Variants in VWDE observed in about 807,000 individuals in gnomAD.
VWDE encodes von Willebrand factor D and EGF domains.
VWDE carries 207 observed loss-of-function variants against 178.4 expected under a neutral mutation model. The observed-to-expected ratio is 1.16, with a 90% CI of 1.04 to 1.30. VWDE has a LOEUF of 1.30. Among genes scored for constraint, VWDE ranks in the 50% most tolerant of loss-of-function variants. VWDE has a pLI of 0.00. For synonymous variants in VWDE, 738 were observed against 651.4 expected (o/e 1.13, Z -2.02); for missense variants, 2,287 against 1,901.3 (o/e 1.20, Z -3.77).
At chr7:12,335,063 T>C (rs903213733) in intron 27 of VWDE, among the ~76,000 whole-genome samples, 3 of 152,176 alleles carry the variant, frequency 2.0e-5, no homozygotes, top group Admixed American at 6.5e-5. Flanking sequence ...AAATTTCTGA[T>C]GCATGGAAAC....
In VWDE at chr7:12,393,727, C is replaced by A. The variant is rs949626458; in HGVS notation, c.110G>T (p.Ser37Ile). The change falls in exon 2 of 29, where the codon AGT (serine) becomes ATT (isoleucine). Residue 37 changes from serine (S) to isoleucine (I), a missense_variant. Ser to Ile is a moderately radical substitution (Grantham distance 142). Transcript: ENST00000275358. ...GHQFLRSPYR[S>I]VRFDSWHLQQ... is the part of the protein sequence containing the mutation. ...GAGGTGCCATGAGTCAAAACGGACA[C>A]TTCTATAAGGACTCCGAAGAAACTG... 21 of 1,551,018 alleles carry A rather than the reference C, an allele frequency of 1.4e-5. No individual in the cohort carries two copies. The highest frequency in any genetic ancestry group is 1.7e-5 in the Non-Finnish European group (19 of 1,146,656).
chr7:12,365,815 A>G (rs1356497010), intron 13 of VWDE, among the ~76,000 whole-genome samples: 1 of 152,152 alleles, frequency 6.6e-6, no homozygotes, highest in Non-Finnish European at 1.5e-5. Context: ...AATGTAAAAT[A>G]AAGACGGATA....
At chr7:12,389,015 G>C in intron 3 of VWDE, 112 bp downstream of exon 3, 1 of 835,112 alleles carries the variant, frequency 1.2e-6, no homozygotes, top group Non-Finnish European at 2.0e-6. Flanking sequence ...AATAATGGTA[G>C]ACTGAGTATC....
intron 1 of VWDE, among the ~76,000 whole-genome samples, chr7:12,395,270 TC>T (rs1784570095): frequency 6.6e-6 from 1 of 152,172 alleles, no homozygotes; most frequent in South Asian, 2.1e-4. Context: ...ATCTCTAATA[TC>T]CTTCAAAACA....
chr7:12,393,670 T>A lies in VWDE; in HGVS notation c.167A>T (p.Asp56Val). The A allele has an allele frequency of 6.4e-7, 1 of 1,551,208 alleles. No homozygotes were observed. Among genetic ancestry groups the A allele is most frequent in the Non-Finnish European group, 8.7e-7 (1 of 1,146,680 alleles). ...ATACCATCCAGGGGAGAGGGAATGGTCACATATTAGGTCTTGAACAGCTGA... is the reference window on the plus strand; with the variant it reads ...ATACCATCCAGGGGAGAGGGAATGGACACATATTAGGTCTTGAACAGCTGA... ...QQSAVQDLIC[D>V]HSLSPGWYRF... is the part of the protein sequence containing the mutation. Residue 56 changes from aspartate (D) to valine (V), a missense_variant, in exon 2 of 29, where the codon GAC becomes GTC. By Grantham distance (152) the Asp-to-Val change is radical. Transcript: ENST00000275358.
chr7:12,379,691 A>C, intron 5 of VWDE, 125 bp from the exon 6 acceptor site: 2 of 587,130 alleles, frequency 3.4e-6, no homozygotes, highest in South Asian at 6.9e-5. Flanking sequence ...AAAAGAATTA[A>C]ATAATTTAAA....
intron 18 of VWDE, 109 bp from the exon 19 acceptor site, chr7:12,351,822 T>C: frequency 2.2e-6 from 2 of 916,226 alleles, no homozygotes; most frequent in Non-Finnish European, 3.1e-6. Flanking sequence ...CTCTGCAAAT[T>C]AGACTGAATA....
intron 1 of VWDE, among the ~76,000 whole-genome samples, chr7:12,395,462 T>C (rs1263574689): frequency 6.6e-6 from 1 of 152,154 alleles, no homozygotes. Context: ...ACTCAGCACC[T>C]TTGTAGTTCT....
intron 1 of VWDE, among the ~76,000 whole-genome samples, chr7:12,401,228 C>G (rs965042049): frequency 4.0e-5 from 6 of 151,892 alleles, no homozygotes; most frequent in Non-Finnish European, 8.8e-5. Context: ...GGGGATTAAC[C>G]AAAATAAATA....
At chr7:12,354,347 T>C in intron 18 of VWDE, 2 of 415,420 alleles carry the variant, frequency 4.8e-6, no homozygotes, top group Non-Finnish European at 9.4e-6. Context: ...TAGAAACTTT[T>C]ACCATGGCAT....
At chr7:12,336,048 C>A in intron 27 of VWDE, 93 bp downstream of exon 27, 2 of 991,310 alleles carry the variant, frequency 2.0e-6, no homozygotes, top group Non-Finnish European at 2.9e-6. Flanking sequence ...GGAGTTTTTT[C>A]CCCCTTATGG....
chr7:12,336,011 T>C (rs1438016311), intron 27 of VWDE, 130 bp downstream of exon 27: 1 of 756,002 alleles, frequency 1.3e-6, no homozygotes, highest in Non-Finnish European at 2.1e-6. Context: ...ATATCTAAAA[T>C]CATTTTTTAA....
chr7:12,345,520 G>A (rs1781556747), intron 19 of VWDE, among the ~76,000 whole-genome samples: 1 of 152,096 alleles, frequency 6.6e-6, no homozygotes, highest in Admixed American at 6.6e-5. Flanking sequence ...TATTTTGGTT[G>A]ATCCAAACTT....
At chr7:12,367,317 T>G in intron 13 of VWDE, 40 bp downstream of exon 13, 1 of 1,469,434 alleles carries the variant, frequency 6.8e-7, no homozygotes, top group Non-Finnish European at 9.1e-7. Context: ...TCTGAGTATC[T>G]CATACACTCT....
chr7:12,374,797 AT>A (rs1427029381), intron 8 of VWDE, 35 bp from the exon 9 acceptor site: 2 of 1,350,084 alleles, frequency 1.5e-6, no homozygotes, highest in South Asian at 2.8e-5. Context: ...AAATATTACC[AT>A]TAATTATATT....
intron 12 of VWDE, among the ~76,000 whole-genome samples, chr7:12,368,373 C>A (rs1782975574): frequency 6.6e-6 from 1 of 151,834 alleles, no homozygotes; most frequent in East Asian, 1.9e-4. Flanking sequence ...TTTTGAATGA[C>A]CACAGAGGAT....
At position 12,380,491 on chromosome 7, in the gene VWDE, C is replaced by G. The variant is rs1231700883; in HGVS notation, c.784G>C (p.Asp262His). 1.3e-6 allele frequency: 2 copies of G among 1,551,244 alleles called. No homozygotes were observed. Among genetic ancestry groups the G allele is most frequent in the African/African-American group, 2.7e-5 (2 of 72,990 alleles). ...ELDGINLRLG[D>H]RIFCSASVFF... ...GCAACTGTTTTTTAACATACCCTGTCTCCAAGTCTGAGATTTATGCCATCA... is the reference window on the plus strand; with the variant it reads ...GCAACTGTTTTTTAACATACCCTGTGTCCAAGTCTGAGATTTATGCCATCA... Residue 262 changes from aspartate (D) to histidine (H), a missense_variant, in exon 5 of 29, where the codon GAC becomes CAC. Coordinates refer to ENST00000275358, the MANE Select transcript of VWDE (RefSeq NM_001135924.3).
chr7:12,398,640 C>T (rs1784737060), intron 1 of VWDE, among the ~76,000 whole-genome samples: 1 of 152,110 alleles, frequency 6.6e-6, no homozygotes, highest in South Asian at 2.1e-4. Context: ...CAGTGATTGG[C>T]TTTTTGTGCA....
intron 18 of VWDE, among the ~76,000 whole-genome samples, chr7:12,351,957 G>A (rs917019271): frequency 6.6e-6 from 1 of 152,048 alleles, no homozygotes; most frequent in African/African-American, 2.4e-5. Flanking sequence ...GTCTTTAAGG[G>A]GGTAAATAAG....
Sources: allele counts gnomAD v4.1 joint callset (sites outside exome capture counted in the v4.1 genomes callset), GRCh38; gene constraint gnomAD v4.1.1; transcripts MANE v1.5; gene names NCBI Gene and HGNC (gene_info 2026-07-23, HGNC 2026-07-21).